CREB5: variants seen among roughly 807,000 people sequenced by gnomAD.
The protein encoded by CREB5 is cyclic AMP-responsive element-binding protein 5.
CREB5 carries 19 observed loss-of-function variants against 57.1 expected under a neutral mutation model. That is an observed-to-expected ratio of 0.33 (90% CI 0.23 to 0.49). CREB5 has a LOEUF of 0.49. CREB5 is among the 20% of genes least tolerant of loss of function. The pLI is 0.99. For synonymous variants in CREB5, 238 were observed against 238.3 expected (o/e 1.00, Z 0.01); for missense variants, 579 against 671.6 (o/e 0.86, Z 1.52).
At chr7:28,367,890 T>G (rs1786621976) in intron 1 of CREB5, among the ~76,000 whole-genome samples, 3 of 152,130 alleles carry the variant, frequency 2.0e-5, no homozygotes, top group African/African-American at 7.2e-5. Context: ...TCCACTTCTC[T>G]TCGTCACCTT....
chr7:28,647,465 A>T (rs980871039), intron 5 of CREB5, among the ~76,000 whole-genome samples: 4 of 152,076 alleles, frequency 2.6e-5, no homozygotes, highest in Non-Finnish European at 4.4e-5. Context: ...ATATTTTGCT[A>T]ATTTCTGGTC....
chr7:28,524,888 G>A (rs1242563993), intron 4 of CREB5, among the ~76,000 whole-genome samples: 1 of 152,072 alleles, frequency 6.6e-6, no homozygotes, highest in Non-Finnish European at 1.5e-5. Context: ...GTTAACTATA[G>A]TTACCATACT....
At chr7:28,765,427 G>A (rs1243055921) in intron 7 of CREB5, among the ~76,000 whole-genome samples, 1 of 152,164 alleles carries the variant, frequency 6.6e-6, no homozygotes, top group Non-Finnish European at 1.5e-5. Context: ...ATGTGTATTA[G>A]GTGTGTAGTG....
intron 7 of CREB5, among the ~76,000 whole-genome samples, chr7:28,728,001 A>C (rs1409324826): frequency 2.0e-5 from 3 of 152,136 alleles, no homozygotes; most frequent in Admixed American, 2.0e-4. Context: ...GTTGGAGTGC[A>C]GTGGCATGAC....
At chr7:28,459,742 C>G (rs375393638) in intron 1 of CREB5, among the ~76,000 whole-genome samples, 2 of 152,174 alleles carry the variant, frequency 1.3e-5, no homozygotes, top group African/African-American at 2.4e-5. Flanking sequence ...TTATGCTGGC[C>G]TCGTCTTTGA....
At chr7:28,771,063 T>C (rs1487222031) in intron 7 of CREB5, among the ~76,000 whole-genome samples, 1 of 152,206 alleles carries the variant, frequency 6.6e-6, no homozygotes, top group Non-Finnish European at 1.5e-5. Context: ...TATACCTCAG[T>C]AAAGCTGTAA....
intron 1 of CREB5, among the ~76,000 whole-genome samples, chr7:28,344,497 C>G (rs1786000434): frequency 6.6e-6 from 1 of 152,126 alleles, no homozygotes; most frequent in African/African-American, 2.4e-5. Context: ...TTCTGTTCAA[C>G]TGTTCTGTGT....
intron 1 of CREB5, among the ~76,000 whole-genome samples, chr7:28,431,807 A>G (rs557590389): frequency 6.6e-6 from 1 of 152,158 alleles, no homozygotes; most frequent in East Asian, 1.9e-4. Context: ...GTTTAGAAAA[A>G]GGAAAAAGTC....
chr7:28,514,178 G>A (rs1056917509), intron 4 of CREB5, among the ~76,000 whole-genome samples: 18 of 152,136 alleles, frequency 1.2e-4, no homozygotes, highest in Admixed American at 2.6e-4. Context: ...AAGAAAAAAA[G>A]TATTTTATCT....
intron 5 of CREB5, among the ~76,000 whole-genome samples, chr7:28,706,658 CTAAG>C (rs1260981762): frequency 1.3e-5 from 2 of 152,180 alleles, no homozygotes; most frequent in Non-Finnish European, 2.9e-5. Context: ...TACTATTTTA[CTAAG>C]TGTTTCAGAT....
At chr7:28,598,096 CT>C (rs1796759957) in intron 5 of CREB5, among the ~76,000 whole-genome samples, 1 of 152,128 alleles carries the variant, frequency 6.6e-6, no homozygotes, top group African/African-American at 2.4e-5. Context: ...TGAATTGTTT[CT>C]CCCAGAATTC....
chr7:28,629,744 G>A (rs541305366), intron 5 of CREB5, among the ~76,000 whole-genome samples: 5 of 152,256 alleles, frequency 3.3e-5, no homozygotes, highest in East Asian at 1.9e-4. Flanking sequence ...ATAAGGGATG[G>A]CATCTATTAA....
intron 5 of CREB5, among the ~76,000 whole-genome samples, chr7:28,677,646 T>C (rs1489353117): frequency 1.3e-5 from 2 of 152,214 alleles, no homozygotes; most frequent in Non-Finnish European, 2.9e-5. Context: ...CAAGGAGGAT[T>C]ATTGCCCAAG....
intron 5 of CREB5, among the ~76,000 whole-genome samples, chr7:28,594,463 C>G (rs1041739629): frequency 6.7e-6 from 1 of 149,354 alleles, no homozygotes; most frequent in African/African-American, 2.4e-5. Context: ...CCTAGTCTTT[C>G]AAACATTCCT....
At chr7:28,718,972 A>T (rs1024342498) in intron 6 of CREB5, 93 bp downstream of exon 6, 5 of 1,573,084 alleles carry the variant, frequency 3.2e-6, no homozygotes, top group African/African-American at 1.4e-5. Flanking sequence ...ATCCAAGCTG[A>T]TGGGAAAGAA....
chr7:28,566,821 T>C (rs1408521478), intron 4 of CREB5, among the ~76,000 whole-genome samples: 1 of 152,236 alleles, frequency 6.6e-6, no homozygotes, highest in Non-Finnish European at 1.5e-5. Context: ...ACAGGAGAGT[T>C]AGAATATGTC....
chr7:28,560,921 T>TGTGCGTGCGCGC (rs1795180804), intron 4 of CREB5, among the ~76,000 whole-genome samples: 1 of 40,568 alleles, frequency 2.5e-5, no homozygotes, highest in African/African-American at 1.2e-4. Context: ...TGTGCGTGTG[T>TGTGCGTGCGCGC]GCGCGTGCGT....
At chr7:28,483,642 CAG>C (rs755302754) in intron 1 of CREB5, among the ~76,000 whole-genome samples, 36 of 152,300 alleles carry the variant, frequency 2.4e-4, no homozygotes, top group Non-Finnish European at 4.9e-4. Flanking sequence ...TCGGACTACT[CAG>C]AGTCTTTCAA....
chr7:28,563,430 T>C (rs1795354827), intron 4 of CREB5, among the ~76,000 whole-genome samples: 1 of 152,250 alleles, frequency 6.6e-6, no homozygotes, highest in South Asian at 2.1e-4. Context: ...AACTTGATCC[T>C]AGGTCTGGCC....
Sources: allele counts gnomAD v4.1 joint callset (sites outside exome capture counted in the v4.1 genomes callset), GRCh38; gene constraint gnomAD v4.1.1; transcripts MANE v1.5; gene names NCBI Gene and HGNC (gene_info 2026-07-23, HGNC 2026-07-21).